The following SGSM1 variants were observed in gnomAD, a reference collection of about 807,000 sequenced individuals.
SGSM1 encodes RUN and TBC1 domain containing 2.
Under a neutral mutation model 133.8 loss-of-function variants are expected in SGSM1, and 73 were observed. The observed-to-expected ratio is 0.55, with a 90% CI of 0.45 to 0.66. The LOEUF (loss-of-function observed/expected upper bound fraction) is 0.66. Ranked by LOEUF, SGSM1 falls within the 30% of genes least tolerant of loss-of-function variation. The pLI is 0.00. For synonymous variants in SGSM1, 563 were observed against 573.0 expected (o/e 0.98, Z 0.25); for missense variants, 1,213 against 1,448.1 (o/e 0.84, Z 2.64).
At position 24,924,379 on chromosome 22, in the gene SGSM1, C is replaced by A; in HGVS notation, c.*105C>A. 1.1e-6 allele frequency: 1 copy of A among 951,212 alleles called. No homozygotes were observed. The allele number at this position is 951,212 out of a possible 1,614,324, so 58.9% of individuals were successfully genotyped here. A position where few individuals can be genotyped will look rare whatever the true frequency, so the allele number is the denominator to read the frequency against. On this transcript the variant is annotated 3_prime_UTR_variant, in exon 25 of 25. Coordinates refer to ENST00000400358, the MANE Select transcript of SGSM1 (RefSeq NM_001098497.3). The stretch of plus-strand genomic sequence containing the variant: ...CACCCCGGGAGCGGGGTCCTGGTGT[C>A]TGTTCACAAGCGTGGAGTTCAGTGC...
chr22:24,898,649 G>T, intron 19 of SGSM1, 90 bp downstream of exon 19: 1 of 1,287,870 alleles, frequency 7.8e-7, no homozygotes, highest in Non-Finnish European at 1.1e-6. Flanking sequence ...GAATGACCCC[G>T]GAGTCAGACC....
At chr22:24,838,929 C>CAAAAAAA (rs139655) in intron 2 of SGSM1, among the ~76,000 whole-genome samples, 2 of 147,008 alleles carry the variant, frequency 1.4e-5, no homozygotes, top group Non-Finnish European at 1.5e-5. Flanking sequence ...TATGTTTCTG[C>CAAAAAAA]AAAAAAAAAA....
chr22:24,816,720 C>T (rs763597992), intron 2 of SGSM1, among the ~76,000 whole-genome samples: 4 of 152,104 alleles, frequency 2.6e-5, no homozygotes, highest in Non-Finnish European at 5.9e-5. Context: ...TTCAGGTGCA[C>T]CTATATCCAG....
At chr22:24,860,511 A>G (rs998968261) in intron 9 of SGSM1, among the ~76,000 whole-genome samples, 1 of 152,178 alleles carries the variant, frequency 6.6e-6, no homozygotes, top group Non-Finnish European at 1.5e-5. Context: ...TCCTAAAAAA[A>G]CTTTCTACAA....
At chr22:24,856,853 C>G (rs928094877) in intron 8 of SGSM1, among the ~76,000 whole-genome samples, 3 of 151,338 alleles carry the variant, frequency 2.0e-5, no homozygotes, top group South Asian at 4.2e-4. Flanking sequence ...ACTGCAAGCT[C>G]CACCTCCCAG....
intron 2 of SGSM1, among the ~76,000 whole-genome samples, chr22:24,835,409 G>C (rs1601904804): frequency 6.6e-6 from 1 of 152,180 alleles, no homozygotes; most frequent in Non-Finnish European, 1.5e-5. Flanking sequence ...AGCACCACCA[G>C]ATGGCAGGAT....
chr22:24,847,604 C>T, intron 3 of SGSM1, 30 bp from the exon 4 acceptor site: 1 of 1,607,188 alleles, frequency 6.2e-7, no homozygotes, highest in Non-Finnish European at 8.5e-7. Flanking sequence ...ATGGGCAGGG[C>T]AGGGTCTGCT....
At position 24,905,068 on chromosome 22, in the gene SGSM1, C is replaced by T. The variant is rs772399044; in HGVS notation, c.2736-37C>T. ...GGTGGAGTGGGTTGGAGAGGCAGGCCACGGCTGCCATCATTGGCCCCTTGT... is the reference window on the plus strand; with the variant it reads ...GGTGGAGTGGGTTGGAGAGGCAGGCTACGGCTGCCATCATTGGCCCCTTGT... On this transcript the variant is annotated intron_variant, in intron 20 of 24. Coordinates refer to ENST00000400358, the MANE Select transcript of SGSM1 (RefSeq NM_001098497.3). 1.9e-6 allele frequency: 3 copies of T among 1,586,164 alleles called. No individual in the cohort carries two copies. In the Admixed American group the frequency reaches 5.0e-5, roughly 26 times the overall value.
chr22:24,847,414 G>A (rs531986943), intron 3 of SGSM1, among the ~76,000 whole-genome samples: 1 of 152,250 alleles, frequency 6.6e-6, no homozygotes, highest in African/African-American at 2.4e-5. Flanking sequence ...CCGACACCCA[G>A]CAGATGCCTA....
chr22:24,898,570 A>C lies in SGSM1; in HGVS notation c.2610+11A>C. On this transcript the variant is annotated intron_variant, in intron 19 of 24. Coordinates refer to ENST00000400358, the MANE Select transcript of SGSM1 (RefSeq NM_001098497.3). ...GGCGTCACCTACTCTGTAAGTCACC[A>C]GGACCCTCCGTTCCATTTCCTTCTT... The C allele has an allele frequency of 6.3e-7, 1 of 1,580,900 alleles. No individual in the cohort carries two copies. Among genetic ancestry groups the C allele is most frequent in the South Asian group, 1.2e-5 (1 of 85,848 alleles).
chr22:24,863,032 T>C (rs183146187), intron 9 of SGSM1, among the ~76,000 whole-genome samples: 57 of 152,304 alleles, frequency 3.7e-4, no homozygotes, highest in African/African-American at 1.4e-3. Flanking sequence ...CTGATGCTAA[T>C]GTTTTGGGAA....
At chr22:24,837,508 G>A (rs1929500342) in intron 2 of SGSM1, among the ~76,000 whole-genome samples, 1 of 151,642 alleles carries the variant, frequency 6.6e-6, no homozygotes, top group South Asian at 2.1e-4. Context: ...GGGCGAGCCT[G>A]ACTGATGTCA....
At position 24,853,723 on chromosome 22, in the gene SGSM1, C is replaced by T. The variant is rs1057450535; in HGVS notation, c.456-1273C>T. Among the ~76,000 whole-genome samples the T allele has an allele frequency of 4.0e-5, 6 of 151,554 alleles. 1 individual carries two copies. Among genetic ancestry groups the T allele is most frequent in the Non-Finnish European group, 2.9e-5 (2 of 67,970 alleles). ...CCAGGTTCACGCCATTCTCCTGCCT[C>T]AGCCTCCCGAGTAGCTGGGACTACA... is the stretch of plus-strand genomic sequence containing the variant. On this transcript the variant is annotated intron_variant, in intron 5 of 24. Coordinates refer to ENST00000400358, the MANE Select transcript of SGSM1 (RefSeq NM_001098497.3).
chr22:24,899,386 T>C (rs1243496701), intron 19 of SGSM1, among the ~76,000 whole-genome samples: 2 of 152,146 alleles, frequency 1.3e-5, no homozygotes. Flanking sequence ...TGTGTCATTA[T>C]CATTCACAAT....
At chr22:24,857,672 A>G (rs562970147) in intron 8 of SGSM1, among the ~76,000 whole-genome samples, 12 of 152,206 alleles carry the variant, frequency 7.9e-5, no homozygotes, top group Non-Finnish European at 1.6e-4. Context: ...TTTTTGACTT[A>G]GAGTCATCAG....
At chr22:24,904,818 C>T (rs916838890) in intron 20 of SGSM1, among the ~76,000 whole-genome samples, 1 of 152,170 alleles carries the variant, frequency 6.6e-6, no homozygotes, top group Non-Finnish European at 1.5e-5. Flanking sequence ...GAGGCCATTA[C>T]TCCTTGTACC....
intron 16 of SGSM1, among the ~76,000 whole-genome samples, chr22:24,892,103 C>A (rs5760710): frequency 0.04 from 6,097 of 152,164 alleles, 185 homozygotes; most frequent in East Asian, 0.15. Context: ...TGGATGGAGG[C>A]TGCTGGGGCC....
intron 2 of SGSM1, among the ~76,000 whole-genome samples, chr22:24,831,141 A>C (rs561777920): frequency 1.3e-4 from 19 of 151,926 alleles, no homozygotes; most frequent in Non-Finnish European, 2.5e-4. Context: ...GTCAGCGTGC[A>C]GGAGGGTTAG....
intron 5 of SGSM1, among the ~76,000 whole-genome samples, chr22:24,851,785 T>G (rs908688253): frequency 2.0e-5 from 3 of 152,124 alleles, no homozygotes; most frequent in African/African-American, 7.2e-5. Flanking sequence ...TTGAAGAGCA[T>G]GGAGGCATTA....
Sources: allele counts gnomAD v4.1 joint callset (sites outside exome capture counted in the v4.1 genomes callset), GRCh38; gene constraint gnomAD v4.1.1; transcripts MANE v1.5; gene names NCBI Gene and HGNC (gene_info 2026-07-23, HGNC 2026-07-21).